P4HB: variants seen among roughly 807,000 people sequenced by gnomAD.
P4HB encodes protein disulfide-isomerase.
P4HB carries 20 observed loss-of-function variants against 52.6 expected under a neutral mutation model. The observed-to-expected ratio is 0.38, with a 90% confidence interval of 0.27 to 0.55. The LOEUF (loss-of-function observed/expected upper bound fraction) is 0.55. Among genes scored for constraint, P4HB ranks in the 20% least tolerant of loss-of-function variants. The probability of loss-of-function intolerance (pLI) is 0.74; values close to 1 mark genes in which losing one functional copy is unlikely to be tolerated. For missense variants in P4HB, 601 were observed against 669.2 expected (o/e 0.90, Z 1.12); for synonymous variants, 296 against 277.9 (o/e 1.07, Z -0.65).
chr17:81,853,779 T>C (rs1281351683), intron 4 of P4HB, among the ~76,000 whole-genome samples: 2 of 151,876 alleles, frequency 1.3e-5, no homozygotes, highest in Non-Finnish European at 2.9e-5. Context: ...ACTCCCCAGG[T>C]CCCTCCTCTC....
chr17:81,858,257 C>T (rs1040780205), intron 2 of P4HB, among the ~76,000 whole-genome samples: 13 of 38,780 alleles, frequency 3.4e-4, no homozygotes, highest in Non-Finnish European at 6.3e-4. Context: ...GAGACTGTCT[C>T]AAAAAAAAAA....
At chr17:81,844,209 A>G (rs1041735536) in intron 10 of P4HB, 117 bp from the exon 11 acceptor site, 20 of 793,386 alleles carry the variant, frequency 2.5e-5, no homozygotes, top group Non-Finnish European at 4.5e-5. Context: ...GGACATGGCC[A>G]CCGGCCACTG....
intron 9 of P4HB, 97 bp from the exon 10 acceptor site, chr17:81,845,327 G>T: frequency 9.3e-7 from 1 of 1,079,968 alleles, no homozygotes; most frequent in Non-Finnish European, 1.4e-6. Flanking sequence ...GAGCAGGCCC[G>T]GTCCGGTGGC....
At position 81,846,606 on chromosome 17, in the gene P4HB, G is replaced by A. The variant is rs139633366; in HGVS notation, c.879C>T (p.Ser293=). 59 of 1,613,916 alleles carry A rather than the reference G, an allele frequency of 3.7e-5. No individual in the cohort carries two copies. In the African/African-American group the frequency reaches 5.5e-4, roughly 15 times the overall value. The stretch of plus-strand genomic sequence containing the variant: ...GGATGCGCTGGTTGTCGGTGTGGTC[G>A]CTGTCGATGAAGATGAACAGGATCT... ...KGKILFIFID[S]DHTDNQRILE... is the part of the protein sequence containing the mutation. The change falls in exon 7 of 11, where the codon AGC becomes AGT. Residue 293 remains serine, a synonymous_variant. Coordinates refer to ENST00000331483, the MANE Select transcript of P4HB (RefSeq NM_000918.4). This position sits in a 1 kb window ranked among gnomAD's most constrained non-coding sequence, Gnocchi z 5.7.
rs2038696560 is a variant in P4HB at position 81,844,182 on chromosome 17, G to A, written c.1447-90C>T. 6.4e-6 allele frequency: 6 copies of A among 940,108 alleles called. No individual in the cohort carries two copies. In the Admixed American group the frequency reaches 8.5e-5, roughly 13 times the overall value. The allele number at this position is 940,108 out of a possible 1,614,324, so 58.2% of individuals were successfully genotyped here. On this transcript the variant is annotated intron_variant, in intron 10 of 10. Coordinates refer to ENST00000331483, the MANE Select transcript of P4HB (RefSeq NM_000918.4). ...AGCACCCCACACTGCTCACACCGGG[G>A]ACTAGCCGGCCACGGCGGACATGGC...
In P4HB at chr17:81,845,931, C is replaced by A. The variant is rs1488750878; in HGVS notation, c.1117G>T (p.Val373Phe). 1.9e-6 allele frequency: 3 copies of A among 1,613,558 alleles called. No homozygotes were observed. Among genetic ancestry groups the A allele is most frequent in the Non-Finnish European group, 2.5e-6 (3 of 1,179,836 alleles). ...DWDKQPVKVL[V>F]GKNFEDVAFD... is the part of the protein sequence containing the mutation. ...GCCACGTCTTCAAAGTTCTTCCCAA[C>A]AAGCACCTTGACAGGCTGCTTGTCC... The change falls in exon 8 of 11, where the codon GTT (valine) becomes TTT (phenylalanine). Residue 373 changes from valine (V) to phenylalanine (F), a missense_variant. By Grantham distance (50) the Val-to-Phe change is conservative. Transcript: ENST00000331483.
Position 81,855,975 on chromosome 17 carries a change from C to A in P4HB, c.353-389G>T, listed in dbSNP as rs997670434. The A allele has an allele frequency of 3.9e-5, 7 of 179,432 alleles. No individual in the cohort carries two copies. Among genetic ancestry groups the A allele is most frequent in the Non-Finnish European group, 5.8e-5 (5 of 85,922 alleles). 11.1% of individuals were successfully genotyped at this position (179,432 alleles called of 1,614,324 possible). On this transcript the variant is annotated intron_variant, in intron 2 of 10. Coordinates refer to ENST00000331483, the MANE Select transcript of P4HB (RefSeq NM_000918.4). This position sits in a 1 kb window ranked among gnomAD's most constrained non-coding sequence, Gnocchi z 4.3. ...CCTCCACCCACTGGGCTCAAGCAAT[C>A]TTCCCAACCTCAGCCTCCTGAGTAT...
rs752751915 is a variant in P4HB, at chr17:81,846,659, CG to C, written c.856-31del. 10 of 1,599,120 alleles carry C rather than the reference CG, an allele frequency of 6.3e-6. No homozygotes were observed. In the South Asian group the frequency reaches 9.9e-5, roughly 16 times the overall value. ...GGGAGAAAAGGAGGTTGCACAGGTG[CG>C]GGAGACGGCTGGCCTCTGCCTCCAG... is the stretch of plus-strand genomic sequence containing the variant. On this transcript the variant is annotated intron_variant, in intron 6 of 10. Transcript: ENST00000331483. The surrounding 1 kb of genome is among the most constrained non-coding windows in gnomAD (Gnocchi z 5.7).
chr17:81,847,226 C>A lies in P4HB; in HGVS notation c.729+17G>T, dbSNP rs1219855138. ...CTCCTCCCCATCCCCAGCCTGGGGG[C>A]TGCAGGGCAGCCGCACCTGCTCGGT... On this transcript the variant is annotated intron_variant, in intron 5 of 10. Transcript: ENST00000331483. The A allele has an allele frequency of 2.5e-6, 4 of 1,611,366 alleles. No homozygotes were observed. Among genetic ancestry groups the A allele is most frequent in the Non-Finnish European group, 3.4e-6 (4 of 1,177,666 alleles).
At chr17:81,850,472 T>C (rs933698744) in intron 4 of P4HB, among the ~76,000 whole-genome samples, 2 of 151,458 alleles carry the variant, frequency 1.3e-5, no homozygotes, top group Non-Finnish European at 2.9e-5. Context: ...ATTTAATTTA[T>C]TTTATTTTAT....
chr17:81,850,429 C>G (rs574316059), intron 4 of P4HB, among the ~76,000 whole-genome samples: 1 of 151,124 alleles, frequency 6.6e-6, no homozygotes, highest in African/African-American at 2.4e-5. Flanking sequence ...AGCCACTGCA[C>G]CTGGACAGAA....
At chr17:81,847,534 C>T (rs1479607918) in intron 4 of P4HB, 187 bp from the exon 5 acceptor site, 3 of 616,950 alleles carry the variant, frequency 4.9e-6, no homozygotes, top group East Asian at 2.8e-5. Context: ...GCTCTGGTCA[C>T]GGCCTTATGG....
Position 81,860,424 on chromosome 17 carries a change from G to A in P4HB, c.48C>T (p.Arg16=), listed in dbSNP as rs754566040. The change falls in exon 1 of 11, where the codon CGC becomes CGT. Residue 16 remains arginine, a synonymous_variant. Coordinates refer to ENST00000331483, the MANE Select transcript of P4HB (RefSeq NM_000918.4). ...GGTCCTCCTCCTCGGGGGCGTCGGCGCGCACCAGGGCGGCCACGGCCAGGC... is the reference window on the plus strand; with the variant it reads ...GGTCCTCCTCCTCGGGGGCGTCGGCACGCACCAGGGCGGCCACGGCCAGGC... ...LLCLAVAALV[R]ADAPEEEDHV... is the part of the protein sequence containing the mutation. 6 of 1,420,372 alleles carry A rather than the reference G, an allele frequency of 4.2e-6. No individual in the cohort carries two copies. The South Asian group carries it at 4.4e-5, about 10-fold the overall frequency. The allele number at this position is 1,420,372 out of a possible 1,614,324, so 88.0% of individuals were successfully genotyped here.
intron 4 of P4HB, among the ~76,000 whole-genome samples, chr17:81,850,781 C>A (rs2038818406): frequency 6.6e-6 from 1 of 151,948 alleles, no homozygotes; most frequent in Non-Finnish European, 1.5e-5. Flanking sequence ...GCGTGTCCAG[C>A]CAAAAAAATT....
At chr17:81,853,178 T>C (rs1412503537) in intron 4 of P4HB, among the ~76,000 whole-genome samples, 1 of 152,146 alleles carries the variant, frequency 6.6e-6, no homozygotes, top group Non-Finnish European at 1.5e-5. Flanking sequence ...AACAAGAACA[T>C]GGAAGCAAGC....
intron 4 of P4HB, among the ~76,000 whole-genome samples, chr17:81,854,174 C>G (rs553919028): frequency 6.6e-6 from 1 of 152,264 alleles, no homozygotes; most frequent in Non-Finnish European, 1.5e-5. Context: ...TACTCCAGAC[C>G]TCTGGGTAAG....
intron 2 of P4HB, among the ~76,000 whole-genome samples, chr17:81,857,404 C>A (rs964967767): frequency 2.5e-4 from 38 of 152,340 alleles, no homozygotes; most frequent in African/African-American, 8.7e-4. Context: ...CCGTCTCAGC[C>A]TCCCAAAGTG....
rs751382718 is a variant in P4HB at position 81,846,654 on chromosome 17, A to G, written c.856-25T>C. On this transcript the variant is annotated intron_variant, in intron 6 of 10. Coordinates refer to ENST00000331483, the MANE Select transcript of P4HB (RefSeq NM_000918.4). This position sits in a 1 kb window ranked among gnomAD's most constrained non-coding sequence, Gnocchi z 5.7. The stretch of plus-strand genomic sequence containing the variant: ...TCTGGGGGAGAAAAGGAGGTTGCAC[A>G]GGTGCGGGAGACGGCTGGCCTCTGC... 4 of 1,605,438 alleles carry G rather than the reference A, an allele frequency of 2.5e-6. No homozygotes were observed. The Admixed American group carries it at 6.7e-5, about 27-fold the overall frequency.
At position 81,843,327 on chromosome 17, in the gene P4HB, TAG is replaced by T. The variant is rs1241114962; in HGVS notation, c.*683_*684del. The T allele has an allele frequency of 5.1e-6, 2 of 394,612 alleles. No homozygotes were observed. The highest frequency in any genetic ancestry group is 3.6e-5 in the East Asian group (1 of 27,876). 24.4% of individuals were successfully genotyped at this position (394,612 alleles called of 1,614,324 possible). A position where few individuals can be genotyped will look rare whatever the true frequency, so the allele number is the denominator to read the frequency against. On this transcript the variant is annotated 3_prime_UTR_variant, in exon 11 of 11. Transcript: ENST00000331483. ...CTTGAACAGGCCACAGGCCGTGCTG[TAG>T]AGAGGCCAGTGGTCACAATGAGCCC...
Sources: allele counts gnomAD v4.1 joint callset (sites outside exome capture counted in the v4.1 genomes callset), GRCh38; gene constraint gnomAD v4.1.1; non-coding constraint Gnocchi (gnomAD v3.1); transcripts MANE v1.5; gene names NCBI Gene and HGNC (gene_info 2026-07-23, HGNC 2026-07-21).